The following SVIL variants were observed in gnomAD, a reference collection of about 807,000 sequenced individuals.
SVIL encodes supervillin.
In SVIL, 101 loss-of-function variants were observed where a neutral mutation model predicts 240.4. That is an observed-to-expected ratio of 0.42 (90% confidence interval 0.36 to 0.50). The LOEUF (loss-of-function observed/expected upper bound fraction) is 0.50, where lower values mean the gene tolerates loss of function less well. Among genes scored for constraint, SVIL ranks in the 20% least tolerant of loss-of-function variants. SVIL has a pLI of 0.01. For synonymous variants in SVIL, 999 were observed against 1,100.0 expected, an observed-to-expected ratio of 0.91 and a Z score of 1.82; for missense variants, 2,512 against 2,818.7, an observed-to-expected ratio of 0.89 and a Z score of 2.46.
chr10:29,647,987 A>G (rs1958718607), intron 3 of SVIL, among the ~76,000 whole-genome samples: 1 of 146,604 alleles, frequency 6.8e-6, no homozygotes, highest in South Asian at 2.2e-4. Flanking sequence ...AAAAAAAAAC[A>G]AAAAAAATCA....
intron 1 of SVIL, among the ~76,000 whole-genome samples, chr10:29,590,295 G>A (rs749984251): frequency 2.6e-5 from 4 of 151,232 alleles, no homozygotes; most frequent in Non-Finnish European, 5.9e-5. Context: ...AATTAAGTAA[G>A]GCTGCCCAAC....
intron 17 of SVIL, chr10:29,507,867 G>A (rs1476288786): frequency 8.7e-6 from 7 of 808,988 alleles, no homozygotes; most frequent in East Asian, 1.3e-4. Flanking sequence ...TTATCAGAGC[G>A]GGGCCGGGCA....
At position 29,474,095 on chromosome 10, in the gene SVIL, G is replaced by A; in HGVS notation, c.5378-106C>T. On this transcript the variant is annotated intron_variant, in intron 29 of 37. Transcript: ENST00000355867. The stretch of plus-strand genomic sequence containing the variant: ...GGCCTGCAAGGACCAGTGGCAAAGA[G>A]CCTCGGACCTAGGGCAGGGGAGAAA... 4.1e-6 allele frequency: 6 copies of A among 1,454,060 alleles called. No homozygotes were observed. In the South Asian group the frequency reaches 7.8e-5, roughly 19 times the overall value. 90.1% of individuals were successfully genotyped at this position (1,454,060 alleles called of 1,614,324 possible). A position where few individuals can be genotyped will look rare whatever the true frequency, so the allele number is the denominator to read the frequency against.
At chr10:29,680,379 G>A (rs890686307) in intron 2 of SVIL, among the ~76,000 whole-genome samples, 1 of 152,228 alleles carries the variant, frequency 6.6e-6, no homozygotes, top group African/African-American at 2.4e-5. Flanking sequence ...AGAAGGAAGA[G>A]GGAAGGTGTT....
At position 29,634,268 on chromosome 10, in the gene SVIL, ACTGGCAAACG is replaced by A. The variant is rs540940092; in HGVS notation, c.-201+142_-201+151del. Among the ~76,000 whole-genome samples the A allele has an allele frequency of 5.5e-3, 832 of 152,178 alleles. 8 individuals are homozygous for A. The highest frequency in any genetic ancestry group is 0.01 in the Middle Eastern group (3 of 294). On this transcript the variant is annotated intron_variant, in intron 1 of 37. Transcript: ENST00000355867. Reference sequence around the variant, plus strand: ...GGTATCTACAGGAATGGCTGCAGTAACTGGCAAACGCTGGCAGGAATTTTCCAATGACTGA... The same window carrying A: ...GGTATCTACAGGAATGGCTGCAGTAACTGGCAGGAATTTTCCAATGACTGA...
chr10:29,622,898 T>C (rs961872375), intron 1 of SVIL, among the ~76,000 whole-genome samples: 1 of 152,202 alleles, frequency 6.6e-6, no homozygotes, highest in Non-Finnish European at 1.5e-5. Flanking sequence ...TCAAGCGTTA[T>C]TAGTGATGCT....
At chr10:29,581,251 G>T (rs969240201) in intron 1 of SVIL, among the ~76,000 whole-genome samples, 10 of 152,160 alleles carry the variant, frequency 6.6e-5, no homozygotes, top group South Asian at 4.1e-4. Flanking sequence ...AGGCAGAACT[G>T]CCTGACCTGA....
chr10:29,676,385 T>TGG (rs1960204362), intron 2 of SVIL, among the ~76,000 whole-genome samples: 1 of 151,980 alleles, frequency 6.6e-6, no homozygotes, highest in African/African-American at 2.4e-5. Flanking sequence ...AGAGTGTGTG[T>TGG]GTGTGTGTGC....
At chr10:29,685,603 G>A (rs184129685) in intron 2 of SVIL, among the ~76,000 whole-genome samples, 1 of 152,326 alleles carries the variant, frequency 6.6e-6, no homozygotes. Flanking sequence ...CTTTTTAACA[G>A]TAGCCATTCT....
intron 3 of SVIL, among the ~76,000 whole-genome samples, chr10:29,647,774 C>A (rs187648235): frequency 2.0e-5 from 3 of 152,056 alleles, no homozygotes; most frequent in Admixed American, 6.6e-5. Flanking sequence ...ACAGCTTAAA[C>A]CGAGTTTAAC....
rs181036614 is a variant in SVIL at position 29,475,961 on chromosome 10, A to G, written c.5378-1972T>C. On this transcript the variant is annotated intron_variant, in intron 29 of 37. Coordinates refer to ENST00000355867, the MANE Select transcript of SVIL (RefSeq NM_021738.3). Reference sequence around the variant, plus strand: ...TTTTTAGCCCTTTGTTTGGTAAAGTATCTGTAACATAGGTTTCGTAAATGA... The same window carrying G: ...TTTTTAGCCCTTTGTTTGGTAAAGTGTCTGTAACATAGGTTTCGTAAATGA... Among the ~76,000 whole-genome samples the G allele has an allele frequency of 7.5e-4, 115 of 152,360 alleles. 1 individual carries two copies. The highest frequency in any genetic ancestry group is 2.5e-3 in the African/African-American group (106 of 41,590).
At chr10:29,692,478 C>A (rs993053059) in intron 1 of SVIL, among the ~76,000 whole-genome samples, 2 of 152,160 alleles carry the variant, frequency 1.3e-5, no homozygotes, top group African/African-American at 4.8e-5. Flanking sequence ...GCAATGAGAT[C>A]ATCAGTGTCA....
At chr10:29,579,886 G>C (rs887325131) in intron 1 of SVIL, among the ~76,000 whole-genome samples, 2 of 152,008 alleles carry the variant, frequency 1.3e-5, no homozygotes, top group Non-Finnish European at 2.9e-5. Flanking sequence ...CTCATCACTG[G>C]GGGGCGGATG....
chr10:29,615,078 A>AAC (rs1475675029), intron 1 of SVIL, among the ~76,000 whole-genome samples: 1 of 152,228 alleles, frequency 6.6e-6, no homozygotes, highest in Non-Finnish European at 1.5e-5. Context: ...AATTTGAACC[A>AAC]ACACTAGTAG....
At chr10:29,513,491 G>A (rs1950001809) in intron 16 of SVIL, among the ~76,000 whole-genome samples, 5 of 152,164 alleles carry the variant, frequency 3.3e-5, no homozygotes, top group Admixed American at 1.3e-4. Context: ...AGCCGAGATT[G>A]TGCCACTGCA....
At chr10:29,599,421 A>G (rs952915983) in intron 1 of SVIL, among the ~76,000 whole-genome samples, 1 of 146,394 alleles carries the variant, frequency 6.8e-6, no homozygotes, top group African/African-American at 2.4e-5. Flanking sequence ...TTTGTTTTAA[A>G]ACTTTTTTTT....
intron 1 of SVIL, among the ~76,000 whole-genome samples, chr10:29,628,583 G>A (rs377296154): frequency 9.9e-4 from 151 of 152,288 alleles, no homozygotes; most frequent in African/African-American, 3.4e-3. Flanking sequence ...CAAATCGTAG[G>A]TGCATTATTA....
At chr10:29,532,505 G>A in intron 8 of SVIL, 24 bp downstream of exon 8, 2 of 1,587,766 alleles carry the variant, frequency 1.3e-6, no homozygotes, top group Middle Eastern at 1.7e-4. Context: ...GACACAGCTG[G>A]AGGGCGTGTG....
intron 36 of SVIL, among the ~76,000 whole-genome samples, chr10:29,460,274 T>C (rs1390584832): frequency 6.6e-6 from 1 of 152,138 alleles, no homozygotes; most frequent in African/African-American, 2.4e-5. Flanking sequence ...AAAATCAGTG[T>C]AAAGTGCTTG....
Sources: allele counts gnomAD v4.1 joint callset (sites outside exome capture counted in the v4.1 genomes callset), GRCh38; gene constraint gnomAD v4.1.1; transcripts MANE v1.5; gene names NCBI Gene and HGNC (gene_info 2026-07-23, HGNC 2026-07-21).